The following PDE6A variants were observed in gnomAD, a reference collection of about 807,000 sequenced individuals.
PDE6A encodes phosphodiesterase 6A, also known as rod cGMP-specific 3',5'-cyclic phosphodiesterase subunit alpha.
A neutral mutation model predicts 106.3 loss-of-function variants in PDE6A; 84 were observed. The observed-to-expected ratio is 0.79, with a 90% CI of 0.66 to 0.95. The LOEUF is 0.95. Among genes scored for constraint, PDE6A ranks in the 40% least tolerant of loss-of-function variants. The pLI is 0.00. For missense variants in PDE6A, 1,052 were observed against 1,084.9 expected (o/e 0.97, Z 0.43); for synonymous variants, 394 against 386.6 (o/e 1.02, Z -0.23).
chr5:149,884,260 GTATA>G (rs1180341448), intron 16 of PDE6A, among the ~76,000 whole-genome samples: 7 of 141,652 alleles, frequency 4.9e-5, no homozygotes, highest in African/African-American at 1.8e-4. Context: ...ATATATATGT[GTATA>G]TATATGTATA....
chr5:149,877,111 A>G (rs961702197), intron 17 of PDE6A, among the ~76,000 whole-genome samples: 8 of 152,168 alleles, frequency 5.3e-5, no homozygotes, highest in Non-Finnish European at 4.4e-5. Context: ...CCTTTGCCCT[A>G]GTGTCATGGT....
intron 13 of PDE6A, among the ~76,000 whole-genome samples, chr5:149,890,463 ATG>A (rs1344087981): frequency 6.6e-6 from 1 of 152,202 alleles, no homozygotes; most frequent in Non-Finnish European, 1.5e-5. Flanking sequence ...TATTCTAAAG[ATG>A]TGTTATTAAT....
chr5:149,903,166 A>AC (rs1445977491), intron 8 of PDE6A, among the ~76,000 whole-genome samples: 2 of 149,978 alleles, frequency 1.3e-5, no homozygotes, highest in East Asian at 3.9e-4. Context: ...AAAAAAAAAA[A>AC]AACAAAAGAA....
intron 19 of PDE6A, 97 bp from the exon 20 acceptor site, chr5:149,866,350 A>G: frequency 1.1e-6 from 1 of 872,224 alleles, no homozygotes; most frequent in Non-Finnish European, 1.9e-6. Flanking sequence ...TAAACTCATC[A>G]TGTTTCCAGA....
chr5:149,879,807 C>T (rs112364202), intron 17 of PDE6A, among the ~76,000 whole-genome samples: 19,126 of 151,946 alleles, frequency 0.13, 1,330 homozygotes, highest in South Asian at 0.26. Context: ...TGCCACATTT[C>T]CTTAATTCTT....
Position 149,863,372 on chromosome 5 carries a change from G to A in PDE6A, c.2359-106C>T. ...TCCAACACTGGAATGAGCTGCTTCG[G>A]AGTAGCAGGCCTCCCGCCACCGTGC... On this transcript the variant is annotated intron_variant, in intron 20 of 21. Transcript: ENST00000255266. The surrounding 1 kb of genome is among the most constrained non-coding windows in gnomAD (Gnocchi z 4.7). 1.7e-6 allele frequency: 2 copies of A among 1,162,046 alleles called. No individual in the cohort carries two copies. The highest frequency in any genetic ancestry group is 2.5e-6 in the Non-Finnish European group (2 of 790,878). The allele number at this position is 1,162,046 out of a possible 1,614,324, so 72.0% of individuals were successfully genotyped here. A position where few individuals can be genotyped will look rare whatever the true frequency, so the allele number is the denominator to read the frequency against.
chr5:149,928,705 A>T (rs1199491141), intron 4 of PDE6A, among the ~76,000 whole-genome samples: 1 of 152,172 alleles, frequency 6.6e-6, no homozygotes, highest in East Asian at 1.9e-4. Flanking sequence ...ATTGATCAAA[A>T]TGTTGTTATA....
At chr5:149,935,776 G>A (rs1345752617) in intron 1 of PDE6A, among the ~76,000 whole-genome samples, 1 of 152,250 alleles carries the variant, frequency 6.6e-6, no homozygotes, top group African/African-American at 2.4e-5. Flanking sequence ...TTGCTTGGGA[G>A]GCGGGCCAGC....
At chr5:149,891,047 C>T (rs1227830276) in intron 13 of PDE6A, among the ~76,000 whole-genome samples, 1 of 152,116 alleles carries the variant, frequency 6.6e-6, no homozygotes, top group Non-Finnish European at 1.5e-5. Flanking sequence ...TAAGGAGTCC[C>T]GATGGCCTCC....
Position 149,886,404 on chromosome 5 carries a change from C to G in PDE6A, c.1729-30G>C, listed in dbSNP as rs754543374. 1.4e-5 allele frequency: 21 copies of G among 1,549,046 alleles called. 1 individual carries two copies. In the South Asian group the frequency reaches 2.0e-4, roughly 15 times the overall value. On this transcript the variant is annotated intron_variant, in intron 13 of 21. Transcript: ENST00000255266. ...AAGGGCAATCAGAGTGCAAATCATT[C>G]CTTTTGTGTAGGGGCTGGAAGCAGG...
intron 17 of PDE6A, among the ~76,000 whole-genome samples, chr5:149,873,829 C>T (rs1213536474): frequency 6.6e-6 from 1 of 152,006 alleles, no homozygotes; most frequent in East Asian, 1.9e-4. Flanking sequence ...TAGGAAGTCA[C>T]ACCCTCACTC....
chr5:149,909,498 A>G (rs963340938), intron 6 of PDE6A, among the ~76,000 whole-genome samples: 1 of 152,160 alleles, frequency 6.6e-6, no homozygotes, highest in Non-Finnish European at 1.5e-5. Flanking sequence ...TAGCTCCCCC[A>G]CTAATAGCAC....
At chr5:149,918,617 A>G (rs1402858708) in intron 5 of PDE6A, among the ~76,000 whole-genome samples, 2 of 151,696 alleles carry the variant, frequency 1.3e-5, no homozygotes, top group African/African-American at 4.8e-5. Flanking sequence ...TATTTTATTA[A>G]TTTACTTTTT....
chr5:149,939,016 C>T (rs1485497807), intron 1 of PDE6A, among the ~76,000 whole-genome samples: 6 of 152,324 alleles, frequency 3.9e-5, no homozygotes, highest in African/African-American at 1.4e-4. Context: ...TTCTCCTTCA[C>T]CCAGCCCCAG....
chr5:149,887,059 T>A (rs1341893250), intron 13 of PDE6A, among the ~76,000 whole-genome samples: 2 of 152,118 alleles, frequency 1.3e-5, no homozygotes, highest in Non-Finnish European at 2.9e-5. Context: ...AGGGCAGGGA[T>A]TTGCATCATG....
chr5:149,904,234 G>T (rs1465910537), intron 7 of PDE6A, among the ~76,000 whole-genome samples: 1 of 152,202 alleles, frequency 6.6e-6, no homozygotes, highest in African/African-American at 2.4e-5. Flanking sequence ...GCGACAGAGT[G>T]AGACCCTGTC....
rs1753073308 is a variant in PDE6A, at chr5:149,903,705, G to A, written c.1066-10C>T. ...TCATGATGTTGCAAATCTGAGAGCA[G>A]TGAAGGGGAATAATGAAGGTGTGAT... On this transcript the variant is annotated splice_polypyrimidine_tract_variant and intron_variant, in intron 7 of 21. Coordinates refer to ENST00000255266, the MANE Select transcript of PDE6A (RefSeq NM_000440.3). 8.7e-6 allele frequency: 14 copies of A among 1,612,600 alleles called. No individual in the cohort carries two copies. The highest frequency in any genetic ancestry group is 1.2e-5 in the Non-Finnish European group (14 of 1,178,574).
Position 149,863,107 on chromosome 5 carries a change from C to G in PDE6A, c.2506+12G>C. The stretch of plus-strand genomic sequence containing the variant: ...GGGGTGGTGGGAGTCCCTGCTTCCC[C>G]CTTCCACAAACCTGACTTGGCCGAC... On this transcript the variant is annotated intron_variant, in intron 21 of 21. Transcript: ENST00000255266. This position sits in a 1 kb window ranked among gnomAD's most constrained non-coding sequence, Gnocchi z 4.7. 2 of 1,614,226 alleles carry G rather than the reference C, an allele frequency of 1.2e-6. No homozygotes were observed. Among genetic ancestry groups the G allele is most frequent in the African/African-American group, 1.3e-5 (1 of 75,068 alleles).
chr5:149,933,953 T>C lies in PDE6A; in HGVS notation c.694A>G (p.Asn232Asp), dbSNP rs776996611. 2 of 1,613,792 alleles carry C rather than the reference T, an allele frequency of 1.2e-6. No individual in the cohort carries two copies. Among genetic ancestry groups the C allele is most frequent in the East Asian group, 4.5e-5 (2 of 44,880 alleles). ...ACCTGGCCACGTCGAGTTTCACAGT[T>C]GTGCAGGTAACTCAGGTGGTACACC... ...MKVYHLSYLH[N>D]CETRRGQILL... is the part of the protein sequence containing the mutation. The change falls in exon 3 of 22, where the codon AAC (asparagine) becomes GAC (aspartate). Residue 232 changes from asparagine (N) to aspartate (D), a missense_variant. Around this residue, in one of 3 missense-constraint regions of PDE6A, gnomAD observed 913 missense variants for 915.2 expected, o/e 1.00. Transcript: ENST00000255266.
Sources: gnomAD v4.1 joint callset for allele counts (sites outside exome capture counted in the v4.1 genomes callset) on GRCh38, gnomAD v4.1.1 for gene constraint, gnomAD v4.1.1 regional missense constraint, Gnocchi (gnomAD v3.1) non-coding constraint, MANE v1.5 for transcripts, NCBI Gene and HGNC (gene_info 2026-07-23, HGNC 2026-07-21) for gene names.